CENPU: variants seen among roughly 807,000 people sequenced by gnomAD.
CENPU encodes KSHV latent nuclear antigen interacting protein 1.
CENPU carries 46 observed loss-of-function variants against 56.7 expected under a neutral mutation model. That is an observed-to-expected ratio of 0.81 (90% CI 0.64 to 1.04). CENPU has a LOEUF of 1.04. Among genes scored for constraint, CENPU ranks in the 50% least tolerant of loss-of-function variants. CENPU has a pLI of 0.00. For missense variants in CENPU, 510 were observed against 490.1 expected (o/e 1.04, Z -0.38); for synonymous variants, 166 against 163.0 (o/e 1.02, Z -0.14).
Position 184,728,922 on chromosome 4 carries a change from G to A in CENPU, c.210C>T (p.Thr70=). Reference sequence around the variant, plus strand: ...ATAAAGATTTAAAGTACTAACCAAAGGTCTCATAAGTTTCTTCATCTTTCT... The same window carrying A: ...ATAAAGATTTAAAGTACTAACCAAAAGTCTCATAAGTTTCTTCATCTTTCT... ...ENEKDEETYE[T]FDPPLHSTAI... is the part of the protein sequence containing the mutation. The change falls in exon 3 of 13, where the codon ACC becomes ACT. Residue 70 remains threonine (T), a synonymous_variant. Transcript: ENST00000281453. 1 of 1,609,720 alleles carries A rather than the reference G, an allele frequency of 6.2e-7. No homozygotes were observed. Among genetic ancestry groups the A allele is most frequent in the Non-Finnish European group, 8.5e-7 (1 of 1,176,136 alleles).
intron 8 of CENPU, among the ~76,000 whole-genome samples, chr4:184,706,901 A>AGAGAAAAACATGGGAGG (rs1760746947): frequency 1.6e-4 from 25 of 151,754 alleles, no homozygotes; most frequent in African/African-American, 6.1e-4. Context: ...CTGTGTCCTT[A>AGAGAAAAACATGGGAGG]CTACCCACTG....
At position 184,697,758 on chromosome 4, in the gene CENPU, A is replaced by C. The variant is rs1338782743; in HGVS notation, c.1032T>G (p.Leu344=). 6.2e-7 allele frequency: 1 copy of C among 1,611,580 alleles called. No individual in the cohort carries two copies. Among genetic ancestry groups the C allele is most frequent in the Non-Finnish European group, 8.5e-7 (1 of 1,179,354 alleles). Residue 344 remains leucine, a synonymous_variant, in exon 12 of 13, where the codon CTT becomes CTG. Coordinates refer to ENST00000281453, the MANE Select transcript of CENPU (RefSeq NM_024629.4). ...TCCTAAGGGAAGACTTTCTCTCTTT[A>C]AGTTCATCATATTTTGTTTGTAGTT... ...LKQLQTKYDE[L]KERKSSLRNA... is the part of the protein sequence containing the mutation.
At position 184,694,641 on chromosome 4, in the gene CENPU, T is replaced by C; in HGVS notation, c.*647A>G. 1 of 1,614,196 alleles carries C rather than the reference T, an allele frequency of 6.2e-7. No individual in the cohort carries two copies. The highest frequency in any genetic ancestry group is 1.3e-5 in the African/African-American group (1 of 75,048). On this transcript the variant is annotated 3_prime_UTR_variant, in exon 13 of 13. Coordinates refer to ENST00000281453, the MANE Select transcript of CENPU (RefSeq NM_024629.4). ...CATCTGCTGATGCTGTCTGGGATAA[T>C]GGCATTGATGATGCTTATTTTTTAG...
intron 3 of CENPU, 77 bp from the exon 4 acceptor site, chr4:184,725,139 T>C: frequency 3.8e-6 from 3 of 794,054 alleles, no homozygotes; most frequent in South Asian, 3.7e-5. Context: ...TCCCTTACAA[T>C]GGAGTACAAA....
intron 10 of CENPU, among the ~76,000 whole-genome samples, chr4:184,701,496 GA>G (rs1440500692): frequency 6.6e-6 from 1 of 152,132 alleles, no homozygotes. Flanking sequence ...ATTCACCTCT[GA>G]TGCTCAGAGG....
At chr4:184,733,415 G>C in intron 1 of CENPU, 1 of 993,246 alleles carries the variant, frequency 1.0e-6, no homozygotes, top group South Asian at 4.5e-5. Flanking sequence ...CCAGATCCAG[G>C]CCGGGCCTTG....
intron 8 of CENPU, among the ~76,000 whole-genome samples, chr4:184,702,681 G>A (rs1226233919): frequency 6.6e-6 from 1 of 152,150 alleles, no homozygotes; most frequent in African/African-American, 2.4e-5. Flanking sequence ...CAGGTAGCGA[G>A]CATAGTAGCA....
intron 4 of CENPU, among the ~76,000 whole-genome samples, chr4:184,723,969 A>G (rs925909670): frequency 6.6e-6 from 1 of 152,040 alleles, no homozygotes; most frequent in Non-Finnish European, 1.5e-5. Context: ...TATTTGTTTT[A>G]AAACTGCAGT....
intron 7 of CENPU, 52 bp from the exon 8 acceptor site, chr4:184,710,232 G>A (rs1227462181): frequency 3.1e-5 from 39 of 1,247,564 alleles, no homozygotes; most frequent in Non-Finnish European, 4.0e-5. Flanking sequence ...TTGGCTGTAG[G>A]TCCAGGGTTC....
intron 11 of CENPU, among the ~76,000 whole-genome samples, chr4:184,700,345 C>T (rs1760492780): frequency 6.6e-6 from 1 of 152,172 alleles, no homozygotes; most frequent in South Asian, 2.1e-4. Context: ...TGCGCCTGTC[C>T]CTGTGAAGCA....
At chr4:184,701,256 T>C (rs1760526238) in intron 10 of CENPU, among the ~76,000 whole-genome samples, 2 of 152,150 alleles carry the variant, frequency 1.3e-5, no homozygotes, top group South Asian at 4.1e-4. Flanking sequence ...TTAAAAGAAA[T>C]ATTTCATATT....
At position 184,694,217 on chromosome 4, in the gene CENPU, G is replaced by C; in HGVS notation, c.*1071C>G. The C allele has an allele frequency of 1.8e-6, 2 of 1,088,058 alleles. No individual in the cohort carries two copies. The highest frequency in any genetic ancestry group is 2.2e-6 in the Non-Finnish European group (2 of 893,610). The allele number at this position is 1,088,058 out of a possible 1,614,324, so 67.4% of individuals were successfully genotyped here. A position where few individuals can be genotyped will look rare whatever the true frequency, so the allele number is the denominator to read the frequency against. ...CTTCTGATTTGTCTTCAGCTGGACTGTCCACTTGTTAAAAAATTAAATCCA... is the reference window on the plus strand; with the variant it reads ...CTTCTGATTTGTCTTCAGCTGGACTCTCCACTTGTTAAAAAATTAAATCCA... On this transcript the variant is annotated 3_prime_UTR_variant, in exon 13 of 13. Coordinates refer to ENST00000281453, the MANE Select transcript of CENPU (RefSeq NM_024629.4).
At chr4:184,733,831 C>T (rs567790975) in intron 1 of CENPU, among the ~76,000 whole-genome samples, 185 bp downstream of exon 1, 1 of 152,240 alleles carries the variant, frequency 6.6e-6, no homozygotes, top group Non-Finnish European at 1.5e-5. Context: ...CCGACAGGCC[C>T]GTGCAGGTGG....
intron 4 of CENPU, among the ~76,000 whole-genome samples, chr4:184,720,082 T>C (rs1308352335): frequency 2.6e-5 from 4 of 152,298 alleles, no homozygotes; most frequent in East Asian, 3.9e-4. Context: ...CATGACCTTC[T>C]AGACAGAGAA....
chr4:184,731,087 A>G, intron 1 of CENPU, 119 bp from the exon 2 acceptor site: 1 of 730,644 alleles, frequency 1.4e-6, no homozygotes, highest in African/African-American at 1.9e-5. Flanking sequence ...CCCATATTCC[A>G]CAAATTTATT....
At chr4:184,703,633 A>G (rs1760620353) in intron 8 of CENPU, among the ~76,000 whole-genome samples, 1 of 152,246 alleles carries the variant, frequency 6.6e-6, no homozygotes, top group African/African-American at 2.4e-5. Context: ...ACACAGAATT[A>G]CCACATGATC....
At chr4:184,716,787 T>C (rs1280635441) in intron 5 of CENPU, among the ~76,000 whole-genome samples, 154 bp from the exon 6 acceptor site, 1 of 152,226 alleles carries the variant, frequency 6.6e-6, no homozygotes, top group African/African-American at 2.4e-5. Flanking sequence ...AATTAGTGGA[T>C]AGGACAGGAA....
chr4:184,725,095 A>G lies in CENPU; in HGVS notation c.215-33T>C, dbSNP rs776535658. On this transcript the variant is annotated intron_variant, in intron 3 of 12. Transcript: ENST00000281453. ...AAGACAAAAAAGAAGCACAACTTTA[A>G]AAGTCTGGCTATTTGGGCAGTACTG... The G allele has an allele frequency of 3.5e-6, 5 of 1,419,164 alleles. No individual in the cohort carries two copies. The African/African-American group carries it at 5.7e-5, about 16-fold the overall frequency. 87.9% of individuals were successfully genotyped at this position (1,419,164 alleles called of 1,614,324 possible).
intron 4 of CENPU, among the ~76,000 whole-genome samples, chr4:184,720,389 G>GA (rs1761235973): frequency 1.3e-5 from 2 of 152,168 alleles, no homozygotes; most frequent in Admixed American, 6.5e-5. Flanking sequence ...ACAGGGTCTA[G>GA]AAAAAAGCTT....
Sources: allele counts gnomAD v4.1 joint callset (sites outside exome capture counted in the v4.1 genomes callset), GRCh38; gene constraint gnomAD v4.1.1; transcripts MANE v1.5; gene names NCBI Gene and HGNC (gene_info 2026-07-23, HGNC 2026-07-21).